Variants in ANKRD31 observed in about 807,000 individuals in gnomAD.
The protein encoded by ANKRD31 is ankyrin repeat domain-containing protein 31.
ANKRD31 carries 147 observed loss-of-function variants against 186.0 expected under a neutral mutation model. The observed-to-expected ratio is 0.79, with a 90% CI of 0.69 to 0.91. The LOEUF is 0.91. ANKRD31 is among the 40% of genes least tolerant of loss of function. The pLI is 0.00. For synonymous variants in ANKRD31, 673 were observed against 736.4 expected, an observed-to-expected ratio of 0.91 and a Z score of 1.39; for missense variants, 1,986 against 2,148.8, an observed-to-expected ratio of 0.92 and a Z score of 1.50.
intron 12 of ANKRD31, among the ~76,000 whole-genome samples, chr5:75,151,132 G>T (rs1309233671): frequency 1.3e-5 from 2 of 151,868 alleles, no homozygotes; most frequent in Non-Finnish European, 2.9e-5. Flanking sequence ...TCAAGTATAT[G>T]ATTTATAAAA....
intron 23 of ANKRD31, among the ~76,000 whole-genome samples, chr5:75,089,827 C>T (rs571119011): frequency 6.6e-6 from 1 of 152,324 alleles, no homozygotes; most frequent in East Asian, 1.9e-4. Flanking sequence ...CAGTGTAACT[C>T]TAATTGACAT....
intron 3 of ANKRD31, among the ~76,000 whole-genome samples, chr5:75,220,702 C>A (rs1157867705): frequency 1.3e-5 from 2 of 150,914 alleles, no homozygotes; most frequent in Admixed American, 6.6e-5. Context: ...AAGACATATA[C>A]GTGGCCAACA....
chr5:75,159,183 GA>G (rs1262719590), intron 11 of ANKRD31, among the ~76,000 whole-genome samples: 1 of 152,008 alleles, frequency 6.6e-6, no homozygotes, highest in Non-Finnish European at 1.5e-5. Context: ...TACACAATCA[GA>G]AGAACAGATT....
At chr5:75,092,688 G>T (rs1365230419) in intron 22 of ANKRD31, among the ~76,000 whole-genome samples, 1 of 152,072 alleles carries the variant, frequency 6.6e-6, no homozygotes, top group Non-Finnish European at 1.5e-5. Context: ...CCAACAAAAA[G>T]TTATGAGACA....
chr5:75,198,698 T>C (rs2150256985), intron 6 of ANKRD31, among the ~76,000 whole-genome samples: 1 of 152,212 alleles, frequency 6.6e-6, no homozygotes, highest in African/African-American at 2.4e-5. Flanking sequence ...CTGAAATAGA[T>C]CCACAGAAGA....
intron 3 of ANKRD31, among the ~76,000 whole-genome samples, chr5:75,214,857 G>A (rs1756867875): frequency 1.3e-5 from 2 of 152,126 alleles, no homozygotes; most frequent in African/African-American, 4.8e-5. Flanking sequence ...TCTTCTAGAT[G>A]ACCAAAAACT....
chr5:75,177,108 C>T (rs963963839), intron 10 of ANKRD31, among the ~76,000 whole-genome samples: 12 of 151,882 alleles, frequency 7.9e-5, no homozygotes, highest in Admixed American at 1.3e-4. Flanking sequence ...GTAATCGATG[C>T]GATCAGTTGG....
At position 75,169,981 on chromosome 5, in the gene ANKRD31, C is replaced by T. The variant is rs1317932497; in HGVS notation, c.1565-860G>A. On this transcript the variant is annotated intron_variant, in intron 10 of 25. Transcript: ENST00000506364. ...GAGCAAAAGCACTCCAGTTGAGAAC[C>T]ACTGCCTCAGGGAAGAAGTTTCTCC... Among the ~76,000 whole-genome samples the T allele has an allele frequency of 2.0e-5, 3 of 152,192 alleles. No homozygotes were observed. In the East Asian group the frequency reaches 5.8e-4, roughly 29 times the overall value.
chr5:75,126,128 G>A (rs1749235974), intron 17 of ANKRD31, among the ~76,000 whole-genome samples: 1 of 152,172 alleles, frequency 6.6e-6, no homozygotes, highest in Non-Finnish European at 1.5e-5. Flanking sequence ...GACTTAGCAT[G>A]ATGATTTTAA....
chr5:75,234,572 T>TC (rs1758144281), intron 1 of ANKRD31, among the ~76,000 whole-genome samples: 1 of 152,228 alleles, frequency 6.6e-6, no homozygotes, highest in African/African-American at 2.4e-5. Flanking sequence ...TATCTCTCTG[T>TC]CCCCTCAAAT....
rs1036463309 is a variant in ANKRD31 at position 75,086,523 on chromosome 5, A to G, written c.5473-2149T>C. Among the ~76,000 whole-genome samples the G allele has an allele frequency of 3.3e-5, 5 of 152,232 alleles. No homozygotes were observed. The East Asian group carries it at 9.6e-4, about 29-fold the overall frequency. On this transcript the variant is annotated intron_variant, in intron 23 of 25. Coordinates refer to ENST00000506364, the MANE Select transcript of ANKRD31 (RefSeq NM_001372053.1). ...ATGCCTACTCTGACAGAGGCATGGT[A>G]GGAAGAGCTGGAGGCTAAGTTCTCA...
At chr5:75,122,243 A>G (rs763300882) in intron 17 of ANKRD31, among the ~76,000 whole-genome samples, 7 of 151,710 alleles carry the variant, frequency 4.6e-5, no homozygotes, top group Non-Finnish European at 8.8e-5. Flanking sequence ...GAAAGACTGA[A>G]CCTTGAAGAA....
intron 9 of ANKRD31, among the ~76,000 whole-genome samples, 200 bp downstream of exon 9, chr5:75,192,466 TA>T (rs1345783848): frequency 6.6e-6 from 1 of 152,180 alleles, no homozygotes; most frequent in Non-Finnish European, 1.5e-5. Context: ...AAAAAAGTAC[TA>T]ATCTATGAGT....
chr5:75,092,542 T>C (rs76025251), intron 22 of ANKRD31, among the ~76,000 whole-genome samples: 3,723 of 152,192 alleles, frequency 0.024, 144 homozygotes, highest in African/African-American at 0.085. Flanking sequence ...AGGCTCAACA[T>C]TGGAAGTTTA....
chr5:75,132,483 AATGAAC>A (rs1749949345), intron 17 of ANKRD31, among the ~76,000 whole-genome samples: 1 of 152,176 alleles, frequency 6.6e-6, no homozygotes, highest in African/African-American at 2.4e-5. Context: ...AGTAAAAAGA[AATGAAC>A]AAAGCCCCCA....
chr5:75,180,828 G>C (rs1374684611), intron 10 of ANKRD31, among the ~76,000 whole-genome samples: 1 of 152,068 alleles, frequency 6.6e-6, no homozygotes, highest in Non-Finnish European at 1.5e-5. Context: ...CATGGGCAAG[G>C]ACTTCATGTC....
chr5:75,159,037 TA>T (rs200464255), intron 11 of ANKRD31, among the ~76,000 whole-genome samples: 1 of 152,008 alleles, frequency 6.6e-6, no homozygotes, highest in African/African-American at 2.4e-5. Context: ...CAGAAAGTTT[TA>T]AAAAAATCAA....
intron 2 of ANKRD31, among the ~76,000 whole-genome samples, chr5:75,229,905 C>A (rs941142934): frequency 6.8e-6 from 1 of 147,176 alleles, no homozygotes; most frequent in Non-Finnish European, 1.5e-5. Context: ...AACATCAATT[C>A]CCAGCAAGGG....
chr5:75,219,404 A>G (rs1757153627), intron 3 of ANKRD31, among the ~76,000 whole-genome samples: 1 of 152,110 alleles, frequency 6.6e-6, no homozygotes, highest in South Asian at 2.1e-4. Context: ...AAACAACAAC[A>G]CCAAAAACAA....
Sources: allele counts gnomAD v4.1 joint callset (sites outside exome capture counted in the v4.1 genomes callset), GRCh38; gene constraint gnomAD v4.1.1; transcripts MANE v1.5; gene names NCBI Gene and HGNC (gene_info 2026-07-23, HGNC 2026-07-21).